Variants in SCOC observed in about 807,000 individuals in gnomAD.
SCOC encodes short coiled coil protein.
Under a neutral mutation model 9.9 loss-of-function variants are expected in SCOC, and 7 were observed. That is an observed-to-expected ratio of 0.71 (90% CI 0.40 to 1.33). The LOEUF is 1.33. SCOC is among the 40% of genes most tolerant of loss of function. The probability of loss-of-function intolerance (pLI) is 0.01; values close to 1 mark genes in which losing one functional copy is unlikely to be tolerated. For synonymous variants in SCOC, 19 were observed against 28.2 expected, an observed-to-expected ratio of 0.67 and a Z score of 1.03; for missense variants, 66 against 89.7, an observed-to-expected ratio of 0.74 and a Z score of 1.07.
chr4:140,371,047 A>G (rs550003994), upstream of SCOC, among the ~76,000 whole-genome samples: 14 of 151,898 alleles, frequency 9.2e-5, no homozygotes, highest in East Asian at 2.3e-3. Context: ...CACCACGCCC[A>G]GCTAATTTTT....
At position 140,385,125 on chromosome 4, in the gene SCOC, C is replaced by T. The variant is rs1184311697; in HGVS notation, c.*4021C>T. The T allele has an allele frequency of 6.6e-6, 1 of 152,168 alleles. No individual in the cohort carries two copies. Among genetic ancestry groups the T allele is most frequent in the Non-Finnish European group, 1.5e-5 (1 of 68,050 alleles). 9.4% of individuals were successfully genotyped at this position (152,168 alleles called of 1,614,324 possible). ...CACTGTTTCCCAATACAAATTTCCC[C>T]AGTATTGACACTGCCATTCTATGCA... is the stretch of plus-strand genomic sequence containing the variant. On this transcript the variant is annotated 3_prime_UTR_variant, in exon 4 of 4. Transcript: ENST00000608372.
rs367795160 is a variant in SCOC, at chr4:140,362,299, C to CTTCTTCTTCTT, written c.71-16820_71-16819insCTTCTTCTTTT. Among the ~76,000 whole-genome samples the CTTCTTCTTCTT allele has an allele frequency of 2.3e-3, 89 of 38,382 alleles. 10 individuals are homozygous for CTTCTTCTTCTT. Among genetic ancestry groups the CTTCTTCTTCTT allele is most frequent in the African/African-American group, 6.3e-3 (84 of 13,392 alleles). 25.2% of individuals were successfully genotyped at this position (38,382 alleles called of 152,430 possible). On this transcript the variant is annotated intron_variant, in intron 2 of 4. Transcript: ENST00000338517. ...CTTACTTCTTCTTCTTCTTCTTCTTCTTTTTTTTTTTTTTTTGTGAGAGTC... is the reference window on the plus strand; with the variant it reads ...CTTACTTCTTCTTCTTCTTCTTCTTCTTCTTCTTCTTTTTTTTTTTTTTTTTTGTGAGAGTC...
chr4:140,353,208 C>G (rs1402619991), intron 2 of SCOC, among the ~76,000 whole-genome samples: 1 of 152,106 alleles, frequency 6.6e-6, no homozygotes, highest in Non-Finnish European at 1.5e-5. Flanking sequence ...CCCAAAAGAA[C>G]AGGACAAACC....
rs751394118 is a variant in SCOC at position 140,317,145 on chromosome 4, C to G, written c.-18-26476C>G. 3.3e-5 allele frequency among the ~76,000 whole-genome samples: 5 copies of G among 152,100 alleles called. No individual in the cohort carries two copies. In the South Asian group the frequency reaches 1.0e-3, roughly 31 times the overall value. ...CAAGCCACACCTAAGACAGGGGACT[C>G]TCTTGTAAGATGGCTTAGGGGTGTT... On this transcript the variant is annotated intron_variant, in intron 1 of 4. Transcript: ENST00000394205.
intron 1 of SCOC, among the ~76,000 whole-genome samples, chr4:140,324,504 G>T (rs896258833): frequency 6.6e-6 from 1 of 151,630 alleles, no homozygotes; most frequent in Non-Finnish European, 1.5e-5. Context: ...CATTTAAAAA[G>T]GTCAATATAC....
chr4:140,362,301 T>TCTTCTTCTTGTTCTTCTTCTTCTTC, intron 2 of SCOC, among the ~76,000 whole-genome samples: 3 of 29,408 alleles, frequency 1.0e-4, no homozygotes, highest in African/African-American at 3.5e-4. Flanking sequence ...TTCTTCTTCT[T>TCTTCTTCTTGTTCTTCTTCTTCTTC]TTTTTTTTTT....
chr4:140,263,443 G>A (rs1444600020), intron 1 of SCOC, among the ~76,000 whole-genome samples: 1 of 152,198 alleles, frequency 6.6e-6, no homozygotes, highest in East Asian at 1.9e-4. Flanking sequence ...CTCTCCCTGA[G>A]CCACGTGCAG....
At chr4:140,379,256 AATGG>A in intron 2 of SCOC, 64 bp downstream of exon 2, 2 of 1,063,084 alleles carry the variant, frequency 1.9e-6, no homozygotes, top group Non-Finnish European at 2.9e-6. Context: ...TTTATTAAGC[AATGG>A]AAAGGGCAGA....
chr4:140,292,693 G>C (rs1461778036), intron 1 of SCOC, among the ~76,000 whole-genome samples: 1 of 152,176 alleles, frequency 6.6e-6, no homozygotes, highest in African/African-American at 2.4e-5. Context: ...AGGGGACGTT[G>C]CTGTATCTTT....
chr4:140,293,736 A>G (rs1371079215), intron 1 of SCOC, among the ~76,000 whole-genome samples: 1 of 152,192 alleles, frequency 6.6e-6, no homozygotes, highest in East Asian at 1.9e-4. Flanking sequence ...AGGGCTGTCA[A>G]TCAGCCATTG....
chr4:140,259,769 A>T (rs1307659674), intron 1 of SCOC, among the ~76,000 whole-genome samples: 1 of 152,140 alleles, frequency 6.6e-6, no homozygotes, highest in Admixed American at 6.6e-5. Context: ...GTAATCCTCC[A>T]ATTTCCCTCT....
At chr4:140,287,866 CA>C (rs942822431) in intron 1 of SCOC, among the ~76,000 whole-genome samples, 33 of 152,160 alleles carry the variant, frequency 2.2e-4, no homozygotes, top group Admixed American at 1.1e-3. Context: ...AGACCACAGA[CA>C]TATGCATGCA....
intron 1 of SCOC, among the ~76,000 whole-genome samples, chr4:140,319,302 G>T (rs1732428092): frequency 6.6e-6 from 1 of 152,006 alleles, no homozygotes; most frequent in Non-Finnish European, 1.5e-5. Context: ...TGTTGGTCAG[G>T]CTGGTCTCAC....
intron 2 of SCOC, among the ~76,000 whole-genome samples, chr4:140,353,796 C>T (rs1727087245): frequency 6.6e-6 from 1 of 152,228 alleles, no homozygotes; most frequent in Non-Finnish European, 1.5e-5. Context: ...TGCCGCCTTT[C>T]TGTTACAGTG....
chr4:140,378,994 T>C (rs563911981), intron 1 of SCOC, 127 bp from the exon 2 acceptor site: 168 of 649,324 alleles, frequency 2.6e-4, no homozygotes, highest in Non-Finnish European at 4.2e-4. Context: ...TAGGCATTTA[T>C]TTTATTCTTA....
chr4:140,361,893 C>G (rs972454580), intron 2 of SCOC, among the ~76,000 whole-genome samples: 3 of 152,040 alleles, frequency 2.0e-5, no homozygotes, highest in Non-Finnish European at 4.4e-5. Context: ...AAAAGAAAAT[C>G]TACAAACTCT....
In SCOC at chr4:140,350,293, C is replaced by T. The variant is rs528325717; in HGVS notation, c.70+6585C>T. Among the ~76,000 whole-genome samples, 3 of 152,304 alleles carry T rather than the reference C, an allele frequency of 2.0e-5. No individual in the cohort carries two copies. In the South Asian group the frequency reaches 6.2e-4, roughly 32 times the overall value. On this transcript the variant is annotated intron_variant, in intron 2 of 4. Coordinates refer to the SCOC transcript ENST00000338517. Reference sequence around the variant, plus strand: ...AACAGACTATTCAATAGACTGCGAGCTTCTAAAACACAGCCTGGGTTTTCA... The same window carrying T: ...AACAGACTATTCAATAGACTGCGAGTTTCTAAAACACAGCCTGGGTTTTCA...
intron 1 of SCOC, among the ~76,000 whole-genome samples, chr4:140,377,094 T>A (rs906288377): frequency 6.6e-6 from 1 of 152,228 alleles, no homozygotes; most frequent in East Asian, 1.9e-4. Context: ...TCACTTTTGC[T>A]TTTGGCTGTT....
chr4:140,302,801 A>G (rs546271015), intron 1 of SCOC, among the ~76,000 whole-genome samples: 1 of 152,368 alleles, frequency 6.6e-6, no homozygotes. Context: ...AGCCAGTAAC[A>G]AAAGTAGACT....
Sources: gnomAD v4.1 joint callset for allele counts (sites outside exome capture counted in the v4.1 genomes callset) on GRCh38, gnomAD v4.1.1 for gene constraint, MANE v1.5 for transcripts, NCBI Gene and HGNC (gene_info 2026-07-23, HGNC 2026-07-21) for gene names.